ATP5PB: variants seen among roughly 807,000 people sequenced by gnomAD.
ATP5PB encodes the protein ATP synthase peripheral stalk-membrane subunit b.
In ATP5PB, 21 loss-of-function variants were observed where a neutral mutation model predicts 34.5. The observed-to-expected ratio is 0.61, with a 90% confidence interval of 0.43 to 0.88. The LOEUF is 0.88. ATP5PB is among the 40% of genes least tolerant of loss of function. ATP5PB has a pLI of 0.00. For synonymous variants in ATP5PB, 108 were observed against 114.1 expected (o/e 0.95, Z 0.34); for missense variants, 293 against 317.4 (o/e 0.92, Z 0.58).
intron 6 of ATP5PB, 123 bp from the exon 7 acceptor site, chr1:111,460,794 A>G (rs1653598879): frequency 1.4e-6 from 1 of 708,820 alleles, no homozygotes; most frequent in African/African-American, 1.8e-5. Flanking sequence ...GTATAGTGTT[A>G]AGCCAGTAAT....
rs1021479938 is a variant in ATP5PB, at chr1:111,462,243, A to G, written c.*1249A>G. ...TGGATAAGCAAAATGTAGTATATCC[A>G]TGCAATGGAATATTATTCCACTTCA... On this transcript the variant is annotated 3_prime_UTR_variant, in exon 7 of 7. Coordinates refer to ENST00000369722, the MANE Select transcript of ATP5PB (RefSeq NM_001688.5). 1.3e-5 allele frequency: 2 copies of G among 152,256 alleles called. No individual in the cohort carries two copies. The highest frequency in any genetic ancestry group is 2.4e-5 in the African/African-American group (1 of 41,470). The allele number at this position is 152,256 out of a possible 1,614,324, so 9.4% of individuals were successfully genotyped here. A position where few individuals can be genotyped will look rare whatever the true frequency, so the allele number is the denominator to read the frequency against.
At chr1:111,456,777 G>A (rs1265118982) in intron 5 of ATP5PB, 22 bp downstream of exon 5, 6 of 1,579,994 alleles carry the variant, frequency 3.8e-6, no homozygotes, top group Non-Finnish European at 5.1e-6. Context: ...AAGTTTCTAG[G>A]AAGAATGAAG....
In ATP5PB at chr1:111,455,932, A is replaced by G. The variant is rs1000631508; in HGVS notation, c.224-154A>G. Among the ~76,000 whole-genome samples the G allele has an allele frequency of 5.9e-5, 9 of 152,076 alleles. No homozygotes were observed. In the South Asian group the frequency reaches 6.2e-4, roughly 11 times the overall value. On this transcript the variant is annotated intron_variant, in intron 3 of 6. Transcript: ENST00000369722. ...CTGAGTCCATATCTTTGTTCTTTCA[A>G]CTCTACCATACTGCTTCCCAATCCA...
In ATP5PB at chr1:111,456,868, A is replaced by G; in HGVS notation, c.513+113A>G. On this transcript the variant is annotated intron_variant, in intron 5 of 6. Transcript: ENST00000369722. ...AGATTGAACGTATTTTATTTAGAAA[A>G]GAGAAGATTTGTGTAGGAGTTGGCA... The G allele has an allele frequency of 9.1e-6, 12 of 1,320,068 alleles. No homozygotes were observed. The South Asian group carries it at 2.7e-4, about 29-fold the overall frequency. The allele number at this position is 1,320,068 out of a possible 1,614,324, so 81.8% of individuals were successfully genotyped here.
chr1:111,459,753 G>A, intron 6 of ATP5PB, 117 bp downstream of exon 6: 1 of 1,112,228 alleles, frequency 9.0e-7, no homozygotes, highest in South Asian at 1.8e-5. Context: ...AAGTAGCAGT[G>A]TAACCCCGGT....
At chr1:111,460,817 C>T (rs1653599565) in intron 6 of ATP5PB, 100 bp from the exon 7 acceptor site, 1 of 933,222 alleles carries the variant, frequency 1.1e-6, no homozygotes, top group Non-Finnish European at 1.7e-6. Flanking sequence ...TCTTGAGGTT[C>T]TGGTCTGGTA....
At position 111,449,549 on chromosome 1, in the gene ATP5PB, C is replaced by A. The variant is rs755709315; in HGVS notation, c.8C>A (p.Ser3Tyr). The change falls in exon 1 of 7, where the codon TCC becomes TAC. Residue 3 changes from serine to tyrosine, a missense_variant. Transcript: ENST00000369722. Reference protein sequence around the residue: MLSRVVLSAAATA... With the variant: MLYRVVLSAAATA... ...CCTGGACTTTCGTTGACCATGCTGT[C>A]CCGGGTGGTACTTTCCGCCGCCGCC... 1.2e-6 allele frequency: 2 copies of A among 1,612,770 alleles called. No individual in the cohort carries two copies. The highest frequency in any genetic ancestry group is 1.7e-6 in the Non-Finnish European group (2 of 1,179,230).
intron 2 of ATP5PB, among the ~76,000 whole-genome samples, chr1:111,451,761 T>G (rs1653343363): frequency 6.6e-6 from 1 of 152,072 alleles, no homozygotes; most frequent in African/African-American, 2.4e-5. Context: ...GTTTCTTTGT[T>G]TGTTTTTGAG....
chr1:111,460,981 A>C lies in ATP5PB; in HGVS notation c.758A>C (p.Gln253Pro). 1 of 1,612,490 alleles carries C rather than the reference A, an allele frequency of 6.2e-7. No homozygotes were observed. The highest frequency in any genetic ancestry group is 8.5e-7 in the Non-Finnish European group (1 of 1,179,718). Residue 253 changes from glutamine to proline, a missense_variant, in exon 7 of 7, where the codon CAG becomes CCG. Transcript: ENST00000369722. ...CTGCTGGCAAAGAAGGCTCAAGCAC[A>C]GCCAGTTATGTAAATGTATCTATCC... Reference protein sequence around the residue: ...LKLLAKKAQAQPVM With the variant: ...LKLLAKKAQAPPVM
At chr1:111,449,622 G>A (rs1376360870) in intron 1 of ATP5PB, 41 bp downstream of exon 1, 1 of 1,568,848 alleles carries the variant, frequency 6.4e-7, no homozygotes, top group Non-Finnish European at 8.6e-7. Context: ...CAGAGTGATT[G>A]GAAAGAAGCG....
intron 1 of ATP5PB, 106 bp downstream of exon 1, chr1:111,449,687 G>T: frequency 6.5e-7 from 1 of 1,543,682 alleles, no homozygotes. Flanking sequence ...CCTGAGAGGC[G>T]AGTGGTCAGT....
rs563549319 is a variant in ATP5PB, at chr1:111,462,494, T to G, written c.*1500T>G. ...GTAGATAAATTAGAAAATTCTTCCC[T>G]TCATAGGTTTATCTGCATTTGATTC... On this transcript the variant is annotated 3_prime_UTR_variant, in exon 7 of 7. Transcript: ENST00000369722. The G allele has an allele frequency of 6.6e-6, 1 of 152,366 alleles. No homozygotes were observed. Among genetic ancestry groups the G allele is most frequent in the African/African-American group, 2.4e-5 (1 of 41,594 alleles). The allele number at this position is 152,366 out of a possible 1,614,324, so 9.4% of individuals were successfully genotyped here.
In ATP5PB at chr1:111,456,228, C is replaced by T. The variant is rs777269751; in HGVS notation, c.366C>T (p.Asp122=). The change falls in exon 4 of 7, where the codon GAC becomes GAT. Residue 122 remains aspartate, a synonymous_variant. Transcript: ENST00000369722. ...GIKKYGPFVA[D]FADKLNEQKL... ...AAAAATATGGTCCCTTTGTTGCAGA[C>T]TTTGCTGATAAACTCAATGAGGTAA... 13 of 1,603,112 alleles carry T rather than the reference C, an allele frequency of 8.1e-6. No homozygotes were observed. The highest frequency in any genetic ancestry group is 1.1e-5 in the South Asian group (1 of 88,882).
chr1:111,459,039 A>G (rs1653549734), intron 5 of ATP5PB, among the ~76,000 whole-genome samples: 1 of 152,246 alleles, frequency 6.6e-6, no homozygotes, highest in Admixed American at 6.5e-5. Flanking sequence ...TCTACAATGT[A>G]TGCACCATTA....
chr1:111,458,337 A>G (rs1653528342), intron 5 of ATP5PB, among the ~76,000 whole-genome samples: 1 of 152,170 alleles, frequency 6.6e-6, no homozygotes, highest in Non-Finnish European at 1.5e-5. Flanking sequence ...CCCCCTTTCT[A>G]CAAAATTGCA....
intron 2 of ATP5PB, among the ~76,000 whole-genome samples, chr1:111,452,553 A>G (rs1653363817): frequency 6.6e-6 from 1 of 152,178 alleles, no homozygotes; most frequent in African/African-American, 2.4e-5. Flanking sequence ...CCTGGGTGAT[A>G]GGGCAAGATT....
intron 3 of ATP5PB, among the ~76,000 whole-genome samples, chr1:111,454,755 A>G (rs918214664): frequency 2.0e-5 from 3 of 152,134 alleles, no homozygotes; most frequent in Non-Finnish European, 2.9e-5. Flanking sequence ...CAAGTCAGCT[A>G]TTTTTAAAAG....
intron 3 of ATP5PB, 151 bp downstream of exon 3, chr1:111,454,507 A>T (rs1653416020): frequency 9.8e-7 from 1 of 1,015,710 alleles, no homozygotes; most frequent in Non-Finnish European, 1.4e-6. Context: ...CCCAGGATGG[A>T]GTGATAGATC....
intron 2 of ATP5PB, among the ~76,000 whole-genome samples, chr1:111,450,786 A>G (rs958127037): frequency 6.6e-6 from 1 of 152,242 alleles, no homozygotes; most frequent in Non-Finnish European, 1.5e-5. Flanking sequence ...TCATGTATGC[A>G]AAAAGTAAGG....
Sources: allele counts gnomAD v4.1 joint callset (sites outside exome capture counted in the v4.1 genomes callset), GRCh38; gene constraint gnomAD v4.1.1; transcripts MANE v1.5; gene names NCBI Gene and HGNC (gene_info 2026-07-23, HGNC 2026-07-21).